The following ARID2 variants were observed in gnomAD, a reference collection of about 807,000 sequenced individuals.
ARID2 encodes the protein AT-rich interactive domain-containing protein 2.
ARID2 carries 32 observed loss-of-function variants against 184.6 expected under a neutral mutation model. The observed-to-expected ratio is 0.17, with a 90% CI of 0.13 to 0.23. The LOEUF (loss-of-function observed/expected upper bound fraction) is 0.23. Ranked by LOEUF, ARID2 falls within the 10% of genes least tolerant of loss-of-function variation. The pLI is 1.00. For synonymous variants in ARID2, 836 were observed against 772.6 expected, an observed-to-expected ratio of 1.08 and a Z score of -1.36; for missense variants, 1,696 against 2,197.6, an observed-to-expected ratio of 0.77 and a Z score of 4.56.
intron 3 of ARID2, among the ~76,000 whole-genome samples, chr12:45,759,609 G>A (rs73095482): frequency 2.2e-4 from 34 of 152,108 alleles, no homozygotes; most frequent in Non-Finnish European, 4.0e-4. Context: ...ATGTCCGTTC[G>A]TTTTTTTAGA....
intron 10 of ARID2, among the ~76,000 whole-genome samples, chr12:45,838,467 C>A (rs1295842027): frequency 1.3e-5 from 2 of 152,144 alleles, no homozygotes; most frequent in African/African-American, 2.4e-5. Flanking sequence ...AGAATCTTTT[C>A]AAGTATATAG....
In ARID2 at chr12:45,891,889, C is replaced by G. The variant is rs755574195; in HGVS notation, c.5032C>G (p.Gln1678Glu). The stretch of plus-strand genomic sequence containing the variant: ...GGAAGGTTGTGAGCCTTTTCAGCGA[C>G]AGCGGTTTTCTTTTATTACCCACTT... ...LWEGCEPFQR[Q>E]RFSFITHLQD... The change falls in exon 17 of 21, where the codon CAG becomes GAG. Residue 1678 changes from glutamine (Q) to glutamate (E), a missense_variant. Physicochemically the swap from Gln to Glu is conservative, Grantham distance 29. This residue lies in a region of ARID2 where 16 missense variants were observed against 50.3 expected (regional missense o/e 0.32). Transcript: ENST00000334344. 1 of 1,614,194 alleles carries G rather than the reference C, an allele frequency of 6.2e-7. No homozygotes were observed. Among genetic ancestry groups the G allele is most frequent in the South Asian group, 1.1e-5 (1 of 91,086 alleles).
chr12:45,807,902 G>C (rs963984814), intron 3 of ARID2, among the ~76,000 whole-genome samples: 1 of 152,132 alleles, frequency 6.6e-6, no homozygotes, highest in Non-Finnish European at 1.5e-5. Context: ...CAAAGTCACT[G>C]TAATAGTGCT....
chr12:45,878,059 C>T (rs1000491095), intron 16 of ARID2, among the ~76,000 whole-genome samples: 3 of 152,162 alleles, frequency 2.0e-5, no homozygotes, highest in Non-Finnish European at 4.4e-5. Flanking sequence ...ATTCTTCTTG[C>T]TTGCATTATT....
At chr12:45,869,567 C>T (rs1456452836) in intron 16 of ARID2, among the ~76,000 whole-genome samples, 1 of 151,922 alleles carries the variant, frequency 6.6e-6, no homozygotes, top group East Asian at 1.9e-4. Flanking sequence ...TATATTTATA[C>T]TTCATATTTT....
At chr12:45,839,240 A>T (rs1242507413) in intron 10 of ARID2, 89 bp from the exon 11 acceptor site, 10 of 1,178,332 alleles carry the variant, frequency 8.5e-6, no homozygotes, top group Non-Finnish European at 1.2e-5. Context: ...ATTCACATTG[A>T]TAAGTATTCT....
chr12:45,820,999 C>G lies in ARID2; in HGVS notation c.638-421C>G, dbSNP rs557991530. On this transcript the variant is annotated intron_variant, in intron 5 of 20. Coordinates refer to ENST00000334344, the MANE Select transcript of ARID2 (RefSeq NM_152641.4). ...AATTATTTCCATGGAGTGCCTTGCTCTCTATGTTTTTTGAAGTGTGAATTA... is the reference window on the plus strand; with the variant it reads ...AATTATTTCCATGGAGTGCCTTGCTGTCTATGTTTTTTGAAGTGTGAATTA... Among the ~76,000 whole-genome samples the G allele has an allele frequency of 3.9e-5, 6 of 152,180 alleles. 1 individual carries two copies. The highest frequency in any genetic ancestry group is 1.2e-4 in the African/African-American group (5 of 41,526).
At chr12:45,813,094 T>C (rs1352621933) in intron 4 of ARID2, among the ~76,000 whole-genome samples, 1 of 152,210 alleles carries the variant, frequency 6.6e-6, no homozygotes, top group Non-Finnish European at 1.5e-5. Flanking sequence ...AACCTGTTGT[T>C]AAAACAACCC....
intron 3 of ARID2, among the ~76,000 whole-genome samples, chr12:45,766,069 T>C (rs1410825124): frequency 6.6e-6 from 1 of 152,202 alleles, no homozygotes; most frequent in Non-Finnish European, 1.5e-5. Flanking sequence ...ATCCACTTCT[T>C]GATAGGCATG....
At chr12:45,868,931 T>C (rs537212724) in intron 16 of ARID2, among the ~76,000 whole-genome samples, 1 of 152,336 alleles carries the variant, frequency 6.6e-6, no homozygotes, top group South Asian at 2.1e-4. Context: ...CTAGGCACTG[T>C]GCCGGGTTTT....
At chr12:45,784,734 ATGTT>A (rs1220604633) in intron 3 of ARID2, among the ~76,000 whole-genome samples, 2 of 152,168 alleles carry the variant, frequency 1.3e-5, no homozygotes, top group Non-Finnish European at 2.9e-5. Flanking sequence ...TTTTGTATAT[ATGTT>A]TGTTTGATGG....
intron 3 of ARID2, among the ~76,000 whole-genome samples, chr12:45,766,312 C>T (rs959675914): frequency 1.3e-5 from 2 of 151,136 alleles, no homozygotes; most frequent in African/African-American, 2.4e-5. Flanking sequence ...GGATTACAGG[C>T]GCCCACCACC....
rs955294305 is a variant in ARID2, at chr12:45,764,110, C to T, written c.284+32796C>T. ...TTTTAATATTAGACTTATCTATGGA[C>T]GTAACTACTTTTTCATTTAAGACTA... On this transcript the variant is annotated intron_variant, in intron 3 of 20. Coordinates refer to ENST00000334344, the MANE Select transcript of ARID2 (RefSeq NM_152641.4). Among the ~76,000 whole-genome samples the T allele has an allele frequency of 5.9e-5, 9 of 151,824 alleles. No homozygotes were observed. The East Asian group carries it at 1.4e-3, about 23-fold the overall frequency.
chr12:45,830,672 A>C (rs1396605647), intron 6 of ARID2, among the ~76,000 whole-genome samples: 1 of 152,170 alleles, frequency 6.6e-6, no homozygotes, highest in Non-Finnish European at 1.5e-5. Flanking sequence ...ATGAAAGTGT[A>C]AATTGCACAA....
chr12:45,856,566 T>G (rs1476319133), intron 15 of ARID2, among the ~76,000 whole-genome samples: 1 of 152,176 alleles, frequency 6.6e-6, no homozygotes, highest in African/African-American at 2.4e-5. Context: ...ATAAGGGATT[T>G]CCAGACTTGC....
chr12:45,904,287 C>T, intron 20 of ARID2: 1 of 707,540 alleles, frequency 1.4e-6, no homozygotes, highest in East Asian at 2.7e-5. Flanking sequence ...CCCTTAAAAG[C>T]AACCATTTTG....
At chr12:45,870,552 A>G (rs551045851) in intron 16 of ARID2, among the ~76,000 whole-genome samples, 1 of 152,324 alleles carries the variant, frequency 6.6e-6, no homozygotes, top group African/African-American at 2.4e-5. Flanking sequence ...TTACAGTAAC[A>G]TGCAGAGTAC....
At chr12:45,809,919 T>C (rs1346851852) in intron 3 of ARID2, among the ~76,000 whole-genome samples, 1 of 152,164 alleles carries the variant, frequency 6.6e-6, no homozygotes, top group African/African-American at 2.4e-5. Context: ...ATTTAAGGTT[T>C]GGTACTAAAA....
At chr12:45,898,243 C>A (rs918504447) in intron 20 of ARID2, among the ~76,000 whole-genome samples, 4 of 151,944 alleles carry the variant, frequency 2.6e-5, no homozygotes, top group Non-Finnish European at 4.4e-5. Context: ...TGCATAGAGA[C>A]AGAAAGTAGA....
Sources: allele counts gnomAD v4.1 joint callset (sites outside exome capture counted in the v4.1 genomes callset), GRCh38; gene constraint gnomAD v4.1.1; regional missense constraint gnomAD v4.1.1; transcripts MANE v1.5; gene names NCBI Gene and HGNC (gene_info 2026-07-23, HGNC 2026-07-21).